SHC3: variants seen among roughly 807,000 people sequenced by gnomAD.
SHC3 encodes the protein SHC-transforming protein 3.
A neutral mutation model predicts 60.4 loss-of-function variants in SHC3; 15 were observed. The observed-to-expected ratio is 0.25, with a 90% CI of 0.17 to 0.38. SHC3 has a LOEUF of 0.38. Ranked by LOEUF, SHC3 falls within the 10% of genes least tolerant of loss-of-function variation. SHC3 has a pLI of 1.00. For missense variants in SHC3, 677 were observed against 786.1 expected, an observed-to-expected ratio of 0.86 and a Z score of 1.66; for synonymous variants, 294 against 325.9, an observed-to-expected ratio of 0.90 and a Z score of 1.05.
chr9:89,160,883 A>C (rs1037503759), intron 1 of SHC3, among the ~76,000 whole-genome samples: 1 of 152,170 alleles, frequency 6.6e-6, no homozygotes, highest in Admixed American at 6.5e-5. Flanking sequence ...TTACCAAGGA[A>C]TTTACTAATA....
At position 89,071,188 on chromosome 9, in the gene SHC3, A is replaced by G. The variant is rs780920626; in HGVS notation, c.783+11T>C. On this transcript the variant is annotated intron_variant, in intron 5 of 11. Coordinates refer to ENST00000375835, the MANE Select transcript of SHC3 (RefSeq NM_016848.6). ...CAACAAGAGCAAGAGACCAACCCCAAGGGTACTTACCGGGTCTCCCCCAGA... is the reference window on the plus strand; with the variant it reads ...CAACAAGAGCAAGAGACCAACCCCAGGGGTACTTACCGGGTCTCCCCCAGA... 6.2e-7 allele frequency: 1 copy of G among 1,614,024 alleles called. No individual in the cohort carries two copies. Among genetic ancestry groups the G allele is most frequent in the Non-Finnish European group, 8.5e-7 (1 of 1,179,916 alleles).
rs79078229 is a variant in SHC3, at chr9:89,068,987, G to A, written c.783+2212C>T. Among the ~76,000 whole-genome samples, 1,121 of 152,286 alleles carry A rather than the reference G, an allele frequency of 7.4e-3. 16 individuals carry two copies. Among genetic ancestry groups the A allele is most frequent in the African/African-American group, 0.026 (1,064 of 41,540 alleles). On this transcript the variant is annotated intron_variant, in intron 5 of 11. Transcript: ENST00000375835. ...CTGCAAATTAGGTAGCAAATAGGTG[G>A]ACATACACATATAGACAGCATCTGA...
At position 89,052,215 on chromosome 9, in the gene SHC3, G is replaced by A. The variant is rs932365969; in HGVS notation, c.836-52C>T. 3.3e-5 allele frequency: 53 copies of A among 1,606,568 alleles called. 1 individual carries two copies. The East Asian group carries it at 1.2e-3, about 36-fold the overall frequency. On this transcript the variant is annotated intron_variant, in intron 6 of 11. Transcript: ENST00000375835. ...TTAGAGACAGACACTGGTGCTACCT[G>A]GGCTCCTCTACAAAGAGCCCTTGCT...
chr9:89,032,406 G>A (rs755731690), intron 11 of SHC3, among the ~76,000 whole-genome samples: 4 of 152,124 alleles, frequency 2.6e-5, no homozygotes, highest in East Asian at 1.9e-4. Flanking sequence ...ACCCACCAGC[G>A]GTAGCAACAC....
rs373807512 is a variant in SHC3 at position 89,104,704 on chromosome 9, T to C, written c.545+7852A>G. Reference sequence around the variant, plus strand: ...CTAGGTAGCAGGACCACCTTGGGGGTCGCCCATTTCATCCCCACACCAAGC... The same window carrying C: ...CTAGGTAGCAGGACCACCTTGGGGGCCGCCCATTTCATCCCCACACCAAGC... On this transcript the variant is annotated intron_variant, in intron 2 of 11. Coordinates refer to ENST00000375835, the MANE Select transcript of SHC3 (RefSeq NM_016848.6). Among the ~76,000 whole-genome samples the C allele has an allele frequency of 3.9e-5, 6 of 152,088 alleles. No homozygotes were observed. The East Asian group carries it at 9.7e-4, about 25-fold the overall frequency.
intron 2 of SHC3, chr9:89,109,239 G>T: frequency 1.2e-6 from 1 of 829,884 alleles, no homozygotes; most frequent in Non-Finnish European, 1.5e-6. Flanking sequence ...ATGCAACCCA[G>T]AAATGTCTGA....
chr9:89,037,413 G>GGT (rs750479129), intron 11 of SHC3: 15 of 668,394 alleles, frequency 2.2e-5, no homozygotes, highest in Non-Finnish European at 3.5e-5. Flanking sequence ...CTATGCCCCA[G>GGT]GTAAAGATGA....
At chr9:89,104,143 T>A (rs1825821496) in intron 2 of SHC3, among the ~76,000 whole-genome samples, 1 of 152,040 alleles carries the variant, frequency 6.6e-6, no homozygotes, top group Admixed American at 6.6e-5. Flanking sequence ...TCTCCATTTT[T>A]AAAATTTCTG....
intron 11 of SHC3, among the ~76,000 whole-genome samples, chr9:89,025,626 TCC>T (rs1301477720): frequency 1.3e-5 from 2 of 152,186 alleles, no homozygotes; most frequent in Non-Finnish European, 2.9e-5. Flanking sequence ...CATTATATCT[TCC>T]TCCCTTTGGA....
rs1006916756 is a variant in SHC3, at chr9:89,089,233, G to A, written c.546-11330C>T. On this transcript the variant is annotated intron_variant, in intron 2 of 11. Transcript: ENST00000375835. ...TCTATCAATATTTGTGTATTTCTAT[G>A]TGCATGTGAAAAGAAGCCCCACTGA... Among the ~76,000 whole-genome samples, 6 of 152,152 alleles carry A rather than the reference G, an allele frequency of 3.9e-5. No individual in the cohort carries two copies. The East Asian group carries it at 1.2e-3, about 29-fold the overall frequency.
intron 1 of SHC3, among the ~76,000 whole-genome samples, chr9:89,157,698 C>T (rs902503372): frequency 2.2e-4 from 33 of 152,084 alleles, no homozygotes; most frequent in Non-Finnish European, 4.7e-4. Context: ...TCACTGCAAC[C>T]CCCAACTCCC....
intron 1 of SHC3, among the ~76,000 whole-genome samples, chr9:89,149,080 G>A (rs1037966681): frequency 1.7e-4 from 26 of 152,304 alleles, no homozygotes; most frequent in African/African-American, 5.1e-4. Flanking sequence ...TTACATGAGA[G>A]GGCATGGATT....
chr9:89,018,696 TTTC>T (rs1197643066), intron 11 of SHC3, among the ~76,000 whole-genome samples: 11 of 140,076 alleles, frequency 7.9e-5, no homozygotes, highest in Non-Finnish European at 1.4e-4. Context: ...TCTTTCTTTC[TTTC>T]TTTTTTTTTT....
intron 1 of SHC3, among the ~76,000 whole-genome samples, chr9:89,141,072 G>T (rs189722552): frequency 1.1e-3 from 167 of 152,220 alleles, no homozygotes; most frequent in African/African-American, 3.9e-3. Flanking sequence ...TCAGTGAAAG[G>T]AAAATACAGG....
intron 10 of SHC3, among the ~76,000 whole-genome samples, chr9:89,040,561 A>G (rs1158124955): frequency 6.6e-6 from 1 of 152,144 alleles, no homozygotes; most frequent in East Asian, 1.9e-4. Context: ...TGACTATATT[A>G]AACAGTAAAA....
chr9:89,079,175 C>A (rs1443142271), intron 2 of SHC3, among the ~76,000 whole-genome samples: 2 of 152,166 alleles, frequency 1.3e-5, no homozygotes, highest in African/African-American at 4.8e-5. Context: ...GATGTTTATG[C>A]TTACTCTTAT....
At chr9:89,104,004 T>A (rs1255432441) in intron 2 of SHC3, among the ~76,000 whole-genome samples, 1 of 152,146 alleles carries the variant, frequency 6.6e-6, no homozygotes, top group Non-Finnish European at 1.5e-5. Flanking sequence ...GACACAAATG[T>A]GCTTCTGGCA....
intron 7 of SHC3, among the ~76,000 whole-genome samples, chr9:89,050,661 A>G (rs1417114586): frequency 1.3e-5 from 2 of 152,080 alleles, no homozygotes; most frequent in Non-Finnish European, 2.9e-5. Context: ...TGTTTTCAAA[A>G]TTTTCATAAA....
intron 11 of SHC3, among the ~76,000 whole-genome samples, chr9:89,023,437 G>A (rs1399805772): frequency 6.6e-6 from 1 of 152,064 alleles, no homozygotes; most frequent in African/African-American, 2.4e-5. Context: ...TCAGAAGTGT[G>A]GGAAATTAAA....
Sources: gnomAD v4.1 joint callset for allele counts (sites outside exome capture counted in the v4.1 genomes callset) on GRCh38, gnomAD v4.1.1 for gene constraint, MANE v1.5 for transcripts, NCBI Gene and HGNC (gene_info 2026-07-23, HGNC 2026-07-21) for gene names.